Variants in DGKB observed in about 807,000 individuals in gnomAD.
The protein encoded by DGKB is diacylglycerol kinase beta.
A neutral mutation model predicts 114.3 loss-of-function variants in DGKB; 67 were observed. That is an observed-to-expected ratio of 0.59 (90% CI 0.48 to 0.72). DGKB has a LOEUF of 0.72. Among genes scored for constraint, DGKB ranks in the 30% least tolerant of loss-of-function variants. The pLI, the probability that DGKB is intolerant of heterozygous loss-of-function variation, is 0.00. For synonymous variants in DGKB, 398 were observed against 323.1 expected (o/e 1.23, Z -2.49); for missense variants, 907 against 975.2 (o/e 0.93, Z 0.93).
chr7:14,912,869 A>G (rs1289457343), intron 1 of DGKB, among the ~76,000 whole-genome samples: 4 of 152,158 alleles, frequency 2.6e-5, no homozygotes, highest in African/African-American at 9.7e-5. Context: ...TGTCTCGTAC[A>G]GAAAGCACTT....
intron 1 of DGKB, among the ~76,000 whole-genome samples, chr7:14,859,896 G>A (rs1019994759): frequency 2.0e-5 from 3 of 151,980 alleles, no homozygotes; most frequent in Non-Finnish European, 1.5e-5. Flanking sequence ...GCAGTTGATT[G>A]GACACAGCAC....
intron 13 of DGKB, among the ~76,000 whole-genome samples, chr7:14,647,872 A>T (rs554320207): frequency 1.6e-3 from 242 of 152,310 alleles, no homozygotes; most frequent in African/African-American, 5.1e-3. Context: ...TGAGTCAAAG[A>T]AAGGGGTGAC....
rs549396812 is a variant in DGKB, at chr7:14,767,312, G to A, written c.71-9581C>T. On this transcript the variant is annotated intron_variant, in intron 2 of 25. Coordinates refer to ENST00000402815, the MANE Select transcript of DGKB (RefSeq NM_001350709.2). ...AAGGTCTGGCTTAGAGTGGAGGCAT[G>A]GACAGTTTACCTAAGTAGGAAGGCA... 5.3e-5 allele frequency among the ~76,000 whole-genome samples: 8 copies of A among 151,942 alleles called. No individual in the cohort carries two copies. The East Asian group carries it at 1.5e-3, about 29-fold the overall frequency.
intron 17 of DGKB, among the ~76,000 whole-genome samples, chr7:14,585,521 A>G (rs1024330667): frequency 1.3e-5 from 2 of 152,182 alleles, no homozygotes; most frequent in Non-Finnish European, 2.9e-5. Flanking sequence ...TTCTACTTCT[A>G]CTGCTGTGTT....
intron 1 of DGKB, among the ~76,000 whole-genome samples, chr7:14,893,035 A>G (rs549002859): frequency 6.6e-6 from 1 of 151,222 alleles, no homozygotes; most frequent in Non-Finnish European, 1.5e-5. Flanking sequence ...ATATTTAAAC[A>G]TAATCAAAAA....
intron 1 of DGKB, among the ~76,000 whole-genome samples, chr7:14,953,222 T>G (rs951867174): frequency 3.3e-5 from 5 of 152,024 alleles, no homozygotes; most frequent in African/African-American, 9.7e-5. Flanking sequence ...ACTTCAAAAT[T>G]TTAAAGTTCT....
At position 14,257,065 on chromosome 7, in the gene DGKB, A is replaced by T. The variant is rs376246141; in HGVS notation, c.2123-78914T>A. Among the ~76,000 whole-genome samples, 11 of 152,252 alleles carry T rather than the reference A, an allele frequency of 7.2e-5. No individual in the cohort carries two copies. In the East Asian group the frequency reaches 1.4e-3, roughly 19 times the overall value. ...GAAGTTCTAGCTATTGGGGTGGCTG[A>T]GGTGGGAGGATTAATTGAACACAGG... On this transcript the variant is annotated intron_variant, in intron 23 of 25. Transcript: ENST00000402815.
At chr7:14,677,595 C>T (rs985596489) in intron 12 of DGKB, among the ~76,000 whole-genome samples, 1 of 151,994 alleles carries the variant, frequency 6.6e-6, no homozygotes, top group Admixed American at 6.6e-5. Flanking sequence ...AATCCCTCAA[C>T]TTCCCATCCT....
chr7:14,887,349 C>T (rs1472030088), intron 1 of DGKB, among the ~76,000 whole-genome samples: 2 of 151,750 alleles, frequency 1.3e-5, no homozygotes, highest in Admixed American at 6.6e-5. Flanking sequence ...AGAGGCAGTG[C>T]GTTCTCTTGG....
intron 21 of DGKB, among the ~76,000 whole-genome samples, chr7:14,374,440 C>G (rs1465658708): frequency 6.6e-6 from 1 of 152,176 alleles, no homozygotes; most frequent in Non-Finnish European, 1.5e-5. Context: ...TCTCTCTTTG[C>G]AATGTGCCTC....
chr7:14,846,131 G>C (rs1848595731), intron 1 of DGKB, among the ~76,000 whole-genome samples: 2 of 152,142 alleles, frequency 1.3e-5, no homozygotes, highest in South Asian at 4.2e-4. Flanking sequence ...TCTCTGGATT[G>C]ATCTACCCCT....
chr7:14,651,395 A>T (rs1162837574), intron 13 of DGKB, among the ~76,000 whole-genome samples: 1 of 148,350 alleles, frequency 6.7e-6, no homozygotes, highest in Non-Finnish European at 1.5e-5. Flanking sequence ...CAAAGACAAA[A>T]ACCACATGAA....
intron 23 of DGKB, among the ~76,000 whole-genome samples, chr7:14,244,715 T>G (rs931956582): frequency 2.0e-5 from 3 of 147,700 alleles, no homozygotes; most frequent in African/African-American, 7.5e-5. Context: ...GGGAGTTGAT[T>G]AGGTCATGAG....
chr7:14,295,585 G>C (rs1020127159), intron 23 of DGKB, among the ~76,000 whole-genome samples: 1 of 151,366 alleles, frequency 6.6e-6, no homozygotes. Context: ...TTAATAGATA[G>C]GTTTTCTGTG....
At chr7:14,689,212 T>TTTTTTTTTTA (rs1822344461) in intron 9 of DGKB, among the ~76,000 whole-genome samples, 1 of 130,492 alleles carries the variant, frequency 7.7e-6, no homozygotes. Context: ...TTTTTTTTTT[T>TTTTTTTTTTA]TTTTTTTTTT....
intron 21 of DGKB, among the ~76,000 whole-genome samples, chr7:14,446,113 T>A (rs1830694106): frequency 6.6e-6 from 1 of 152,150 alleles, no homozygotes; most frequent in African/African-American, 2.4e-5. Flanking sequence ...AATCTCTTGT[T>A]TAGTCAATGT....
chr7:14,313,260 C>T (rs6461083), intron 23 of DGKB, among the ~76,000 whole-genome samples: 7 of 152,040 alleles, frequency 4.6e-5, no homozygotes, highest in Admixed American at 2.6e-4. Flanking sequence ...CAACATATTG[C>T]GGGGAGGAGC....
chr7:14,286,495 C>CTA (rs528646516), intron 23 of DGKB, among the ~76,000 whole-genome samples: 131 of 152,192 alleles, frequency 8.6e-4, no homozygotes, highest in African/African-American at 3.0e-3. Flanking sequence ...TTATGGTTAA[C>CTA]TATCGCTATT....
At chr7:14,484,753 G>T (rs569873065) in intron 20 of DGKB, among the ~76,000 whole-genome samples, 1 of 152,050 alleles carries the variant, frequency 6.6e-6, no homozygotes, top group African/African-American at 2.4e-5. Context: ...ATTTAAGATT[G>T]TATGTGCGAT....
Sources: allele counts gnomAD v4.1 joint callset (sites outside exome capture counted in the v4.1 genomes callset), GRCh38; gene constraint gnomAD v4.1.1; transcripts MANE v1.5; gene names NCBI Gene and HGNC (gene_info 2026-07-23, HGNC 2026-07-21).